The following GRIN1 variants were observed in gnomAD, a reference collection of about 807,000 sequenced individuals.
GRIN1 encodes glutamate receptor ionotropic, NMDA 1.
A neutral mutation model predicts 103.0 loss-of-function variants in GRIN1; 38 were observed. The ratio of observed to expected loss-of-function variants is 0.37; its 90% CI spans 0.28 to 0.48. GRIN1 has a LOEUF of 0.48. Ranked by LOEUF, GRIN1 falls within the 20% of genes least tolerant of loss-of-function variation. The pLI is 0.98. For missense variants in GRIN1, 577 were observed against 1,288.9 expected (o/e 0.45, Z 8.46); for synonymous variants, 544 against 532.7 (o/e 1.02, Z -0.29).
At chr9:137,160,220 C>T (rs544265816) in intron 8 of GRIN1, among the ~76,000 whole-genome samples, 7 of 152,334 alleles carry the variant, frequency 4.6e-5, no homozygotes, top group African/African-American at 1.2e-4. Flanking sequence ...GACTGGGGGC[C>T]GGGACAGGCA....
At chr9:137,163,065 C>T in intron 15 of GRIN1, 62 bp downstream of exon 15, 1 of 1,561,348 alleles carries the variant, frequency 6.4e-7, no homozygotes, top group Middle Eastern at 2.1e-4. Flanking sequence ...AGGGTGGCCT[C>T]CACCGGGCAG....
Position 137,139,475 on chromosome 9 carries a change from C to CGGCCCGA in GRIN1, c.-10_-4dup. ...TTCGCGCCGCGCAGAGCCAGGCCCG[C>CGGCCCGA]GGCCCGAGCCCATGAGCACCATGCG... is the stretch of plus-strand genomic sequence containing the variant. On this transcript the variant is annotated 5_prime_UTR_variant, in exon 1 of 20. Transcript: ENST00000371561. The surrounding 1 kb of genome is among the most constrained non-coding windows in gnomAD (Gnocchi z 7.7). 1 of 1,558,030 alleles carries CGGCCCGA rather than the reference C, an allele frequency of 6.4e-7. No homozygotes were observed. The highest frequency in any genetic ancestry group is 8.7e-7 in the Non-Finnish European group (1 of 1,152,268).
chr9:137,157,968 G>A (rs183246180), intron 6 of GRIN1, among the ~76,000 whole-genome samples: 4 of 152,352 alleles, frequency 2.6e-5, no homozygotes, highest in East Asian at 1.9e-4. Context: ...ACACACAGCC[G>A]GACAGGACAG....
intron 4 of GRIN1, 49 bp downstream of exon 4, chr9:137,149,158 C>A: frequency 8.1e-7 from 1 of 1,232,382 alleles, no homozygotes; most frequent in Non-Finnish European, 1.2e-6. Context: ...GGTACCTGAG[C>A]CAAGTACCCG....
At chr9:137,155,459 T>C (rs1265913291) in intron 4 of GRIN1, among the ~76,000 whole-genome samples, 1 of 152,264 alleles carries the variant, frequency 6.6e-6, no homozygotes, top group African/African-American at 2.4e-5. Flanking sequence ...TGCATTTCTT[T>C]GTGGGCTTAT....
At chr9:137,148,904 A>C (rs1832690908) in intron 3 of GRIN1, 105 bp from the exon 4 acceptor site, 7 of 810,512 alleles carry the variant, frequency 8.6e-6, no homozygotes, top group Non-Finnish European at 1.0e-5. Flanking sequence ...TGGCAGCCCT[A>C]GCTAAGCTGC....
chr9:137,152,398 C>T (rs1390877559), intron 4 of GRIN1, among the ~76,000 whole-genome samples: 2 of 152,180 alleles, frequency 1.3e-5, no homozygotes, highest in Non-Finnish European at 2.9e-5. Context: ...TGCCCTAAAA[C>T]ATACCTGTTC....
At position 137,144,398 on chromosome 9, in the gene GRIN1, T is replaced by G. The variant is rs1270337571; in HGVS notation, c.394-1328T>G. On this transcript the variant is annotated intron_variant, in intron 2 of 19. Coordinates refer to ENST00000371561, the MANE Select transcript of GRIN1 (RefSeq NM_007327.4). Reference sequence around the variant, plus strand: ...GGCCGGGCGCGGTGGCTCACGCCTGTAATCCCAGCACTTTGGGAGGCCGAG... The same window carrying G: ...GGCCGGGCGCGGTGGCTCACGCCTGGAATCCCAGCACTTTGGGAGGCCGAG... 1.1e-4 allele frequency among the ~76,000 whole-genome samples: 16 copies of G among 149,210 alleles called. No individual in the cohort carries two copies. In the East Asian group the frequency reaches 1.9e-3, roughly 17 times the overall value.
chr9:137,168,470 CG>C lies in GRIN1; in HGVS notation c.*946del, dbSNP rs969386617. 1 of 189,564 alleles carries C rather than the reference CG, an allele frequency of 5.3e-6. No individual in the cohort carries two copies. Among genetic ancestry groups the C allele is most frequent in the African/African-American group, 2.3e-5 (1 of 42,574 alleles). The allele number at this position is 189,564 out of a possible 1,614,324, so 11.7% of individuals were successfully genotyped here. A position where few individuals can be genotyped will look rare whatever the true frequency, so the allele number is the denominator to read the frequency against. On this transcript the variant is annotated 3_prime_UTR_variant, in exon 20 of 20. Coordinates refer to ENST00000371561, the MANE Select transcript of GRIN1 (RefSeq NM_007327.4). Reference sequence around the variant, plus strand: ...TCCTCGTCCGGCCTGCAGCCCAGAACGGGCCTCCCCGGGGGTCCCCGGACGC... The same window carrying C: ...TCCTCGTCCGGCCTGCAGCCCAGAACGGCCTCCCCGGGGGTCCCCGGACGC...
chr9:137,163,556 C>T lies in GRIN1; in HGVS notation c.2334-3C>T. On this transcript the variant is annotated splice_polypyrimidine_tract_variant and splice_region_variant and intron_variant, in intron 16 of 19. Coordinates refer to ENST00000371561, the MANE Select transcript of GRIN1 (RefSeq NM_007327.4). ...CTGCAGGCTCACTTGTTCCCACCGC[C>T]AGGTCCCACGAGAATGGCTTCATGG... 6.2e-7 allele frequency: 1 copy of T among 1,604,972 alleles called. No homozygotes were observed. The highest frequency in any genetic ancestry group is 8.5e-7 in the Non-Finnish European group (1 of 1,172,184).
chr9:137,167,961 C>T lies in GRIN1; in HGVS notation c.*434C>T, dbSNP rs1833967192. 6.7e-6 allele frequency: 6 copies of T among 889,382 alleles called. No homozygotes were observed. Among genetic ancestry groups the T allele is most frequent in the Admixed American group, 2.0e-5 (1 of 49,942 alleles). The allele number at this position is 889,382 out of a possible 1,614,324, so 55.1% of individuals were successfully genotyped here. A position where few individuals can be genotyped will look rare whatever the true frequency, so the allele number is the denominator to read the frequency against. On this transcript the variant is annotated 3_prime_UTR_variant, in exon 20 of 20. Coordinates refer to ENST00000371561, the MANE Select transcript of GRIN1 (RefSeq NM_007327.4). The stretch of plus-strand genomic sequence containing the variant: ...CAGAGACTGCCCACCCTGGGCCTCC[C>T]GTCCGTCCGCCCGCCCACCCCGCTG...
intron 16 of GRIN1, 90 bp downstream of exon 16, chr9:137,163,420 C>G: frequency 6.6e-7 from 1 of 1,515,292 alleles, no homozygotes. Context: ...GAGGCCACCA[C>G]TGATTTCCCA....
chr9:137,161,058 T>A lies in GRIN1; in HGVS notation c.1200T>A (p.Ile400=). 1 of 1,612,756 alleles carries A rather than the reference T, an allele frequency of 6.2e-7. No homozygotes were observed. The stretch of plus-strand genomic sequence containing the variant: ...CTGGGTCTCCCCTTCCCCCCCAGAT[T>A]GTGACGATCCACCAGGAGCCCTTCG... ...RGYQMSTRLK[I]VTIHQEPFVY... Residue 400 remains isoleucine, a splice_region_variant and synonymous_variant, in exon 9 of 20, where the codon ATT becomes ATA. Coordinates refer to ENST00000371561, the MANE Select transcript of GRIN1 (RefSeq NM_007327.4).
chr9:137,162,237 G>T lies in GRIN1; in HGVS notation c.1698G>T (p.Val566=). ...TCCAGAGCACACTGTGGCTGCTGGT[G>T]GGGCTGTCGGTGCACGTGGTGGCCG... ...QPFQSTLWLL[V]GLSVHVVAVM... The change falls in exon 12 of 20, where the codon GTG becomes GTT. Residue 566 remains valine (V), a synonymous_variant. Transcript: ENST00000371561. 6.5e-7 allele frequency: 1 copy of T among 1,544,550 alleles called. No individual in the cohort carries two copies.
Position 137,165,512 on chromosome 9 carries a change from G to A in GRIN1, c.2700+216G>A. ...CTCCTGGGTCCTCGGCTTTCCCCGT[G>A]TGTCTCCGTTAGTCTGCCCGCCCAC... is the stretch of plus-strand genomic sequence containing the variant. On this transcript the variant is annotated intron_variant, in intron 19 of 19. Transcript: ENST00000371561. The A allele has an allele frequency of 5.0e-6, 3 of 596,568 alleles. 1 individual carries two copies. Among genetic ancestry groups the A allele is most frequent in the Admixed American group, 5.0e-5 (2 of 40,126 alleles). 37.0% of individuals were successfully genotyped at this position (596,568 alleles called of 1,614,324 possible).
chr9:137,164,160 C>G, intron 18 of GRIN1: 1 of 550,422 alleles, frequency 1.8e-6, no homozygotes, highest in South Asian at 2.0e-5. Flanking sequence ...CGCCTGGCCC[C>G]TCTGTCTCCA....
Position 137,162,453 on chromosome 9 carries a change from C to G in GRIN1, c.1801C>G (p.Leu601Val). 1 of 1,611,118 alleles carries G rather than the reference C, an allele frequency of 6.2e-7. No individual in the cohort carries two copies. The highest frequency in any genetic ancestry group is 8.5e-7 in the Non-Finnish European group (1 of 1,179,800). ...VNSEEEEEDA[L>V]TLSSAMWFSW... ...CAGCGAGGAGGAGGAGGAGGACGCA[C>G]TGACCCTGTCCTCGGCCATGTGGTT... The change falls in exon 13 of 20, where the codon CTG becomes GTG. Residue 601 changes from leucine (L) to valine (V), a missense_variant. By Grantham distance (32) the Leu-to-Val change is conservative. Around this residue, in one of 9 missense-constraint regions of GRIN1, gnomAD observed 15 missense variants for 26.4 expected, o/e 0.57. Coordinates refer to ENST00000371561, the MANE Select transcript of GRIN1 (RefSeq NM_007327.4).
rs778196740 is a variant in GRIN1, at chr9:137,162,826, C to A, written c.2014-20C>A. ...GGCCTGGGGAGCCGCCGCCGCGATC[C>A]CTGCCCTCCGACCCTGCAGCTGAGG... is the stretch of plus-strand genomic sequence containing the variant. On this transcript the variant is annotated intron_variant, in intron 14 of 19. Coordinates refer to ENST00000371561, the MANE Select transcript of GRIN1 (RefSeq NM_007327.4). The A allele has an allele frequency of 1.9e-6, 3 of 1,611,208 alleles. No homozygotes were observed. In the East Asian group the frequency reaches 6.7e-5, roughly 36 times the overall value.
At chr9:137,156,812 G>A (rs1313819513) in intron 5 of GRIN1, 22 bp downstream of exon 5, 9 of 1,600,842 alleles carry the variant, frequency 5.6e-6, no homozygotes, top group African/African-American at 5.4e-5. Flanking sequence ...GCCTTGGCGG[G>A]GTCCCCGAAC....
Sources: gnomAD v4.1 joint callset for allele counts (sites outside exome capture counted in the v4.1 genomes callset) on GRCh38, gnomAD v4.1.1 for gene constraint, gnomAD v4.1.1 regional missense constraint, Gnocchi (gnomAD v3.1) non-coding constraint, MANE v1.5 for transcripts, NCBI Gene and HGNC (gene_info 2026-07-23, HGNC 2026-07-21) for gene names.